Variants in FSHR observed in about 807,000 individuals in gnomAD.
FSHR encodes the protein follicle-stimulating hormone receptor.
In FSHR, 46 loss-of-function variants were observed where a neutral mutation model predicts 52.1. The observed-to-expected ratio is 0.88, with a 90% CI of 0.70 to 1.13. FSHR has a LOEUF of 1.13. Among genes scored for constraint, FSHR ranks in the 50% most tolerant of loss-of-function variants. FSHR has a pLI of 0.00. For missense variants in FSHR, 964 were observed against 834.6 expected (o/e 1.16, Z -1.91); for synonymous variants, 399 against 309.6 (o/e 1.29, Z -3.03).
chr2:48,975,752 G>A (rs558142853), intron 8 of FSHR, among the ~76,000 whole-genome samples: 51 of 152,272 alleles, frequency 3.3e-4, no homozygotes, highest in Middle Eastern at 3.4e-3. Flanking sequence ...TGTAGCAATT[G>A]TGAATGGGAG....
At chr2:49,101,609 A>G (rs770456340) in intron 1 of FSHR, among the ~76,000 whole-genome samples, 18 of 152,164 alleles carry the variant, frequency 1.2e-4, no homozygotes, top group Non-Finnish European at 2.5e-4. Context: ...ATATGAGGAG[A>G]GTAGTAGGGA....
At chr2:48,991,499 G>C (rs1006087078) in intron 4 of FSHR, among the ~76,000 whole-genome samples, 5 of 152,200 alleles carry the variant, frequency 3.3e-5, no homozygotes, top group African/African-American at 1.2e-4. Flanking sequence ...ATTGGTAAAA[G>C]GTGACCCTAT....
intron 1 of FSHR, among the ~76,000 whole-genome samples, chr2:49,123,043 T>G (rs1386538669): frequency 1.3e-5 from 2 of 152,140 alleles, no homozygotes; most frequent in Non-Finnish European, 2.9e-5. Flanking sequence ...CCTTCCTTCC[T>G]TTCCTCCACA....
chr2:49,116,769 C>T lies in FSHR; in HGVS notation c.152+37497G>A, dbSNP rs578120832. Among the ~76,000 whole-genome samples the T allele has an allele frequency of 5.6e-4, 85 of 152,140 alleles. 1 individual carries two copies. Among genetic ancestry groups the T allele is most frequent in the South Asian group, 4.1e-3 (20 of 4,822 alleles). On this transcript the variant is annotated intron_variant, in intron 1 of 9. Coordinates refer to ENST00000406846, the MANE Select transcript of FSHR (RefSeq NM_000145.4). ...GGGTACAATATGATAGTTTGATGCA[C>T]ATGTACATTGTAGAATGGTCAAATC...
At chr2:48,997,957 T>C (rs906433618) in intron 4 of FSHR, among the ~76,000 whole-genome samples, 1 of 152,128 alleles carries the variant, frequency 6.6e-6, no homozygotes, top group Non-Finnish European at 1.5e-5. Flanking sequence ...AATTGCCTTC[T>C]GCTTCCTTCT....
At chr2:49,079,553 G>A (rs1169776895) in intron 1 of FSHR, among the ~76,000 whole-genome samples, 2 of 151,992 alleles carry the variant, frequency 1.3e-5, no homozygotes, top group Non-Finnish European at 2.9e-5. Flanking sequence ...TAAAAAAATA[G>A]ACCAATGGAA....
chr2:49,046,469 T>C (rs1185960627), intron 2 of FSHR, among the ~76,000 whole-genome samples: 1 of 152,208 alleles, frequency 6.6e-6, no homozygotes, highest in Admixed American at 6.5e-5. Context: ...CCACTTTGGC[T>C]TCAACGTTCT....
intron 2 of FSHR, among the ~76,000 whole-genome samples, chr2:49,061,091 T>A (rs1387440262): frequency 3.3e-5 from 5 of 152,072 alleles, no homozygotes; most frequent in African/African-American, 1.2e-4. Flanking sequence ...AGGGGCATAA[T>A]CACCACTACA....
At chr2:49,140,729 T>G (rs1395099630) in intron 1 of FSHR, among the ~76,000 whole-genome samples, 1 of 151,064 alleles carries the variant, frequency 6.6e-6, no homozygotes, top group Non-Finnish European at 1.5e-5. Context: ...AAAAAAAAGG[T>G]ACAGTTCCCC....
intron 1 of FSHR, among the ~76,000 whole-genome samples, chr2:49,070,680 T>C (rs955053442): frequency 1.3e-5 from 2 of 152,172 alleles, no homozygotes; most frequent in South Asian, 2.1e-4. Context: ...TGCATGTTTT[T>C]CTAAAATTTT....
chr2:49,151,903 A>G (rs1558470095), intron 1 of FSHR, among the ~76,000 whole-genome samples: 2 of 152,048 alleles, frequency 1.3e-5, no homozygotes, highest in African/African-American at 4.8e-5. Context: ...CATTTTATCT[A>G]CTCTTCAGTG....
chr2:48,979,333 CAG>C (rs1291479842), intron 8 of FSHR, among the ~76,000 whole-genome samples: 3 of 152,044 alleles, frequency 2.0e-5, no homozygotes, highest in Non-Finnish European at 2.9e-5. Flanking sequence ...CCCAGCTACT[CAG>C]AAGGCTGAGG....
At chr2:49,038,854 C>G (rs192362667) in intron 2 of FSHR, among the ~76,000 whole-genome samples, 1 of 151,864 alleles carries the variant, frequency 6.6e-6, no homozygotes, top group East Asian at 1.9e-4. Context: ...TATAAAGTAA[C>G]TATAACATAA....
At chr2:49,017,895 C>T (rs757942641) in intron 3 of FSHR, among the ~76,000 whole-genome samples, 10 of 152,070 alleles carry the variant, frequency 6.6e-5, no homozygotes, top group Admixed American at 1.3e-4. Context: ...CAGTAAGAAT[C>T]GCCCAGGGTT....
At chr2:49,082,689 G>A (rs893786991) in intron 1 of FSHR, among the ~76,000 whole-genome samples, 7 of 152,172 alleles carry the variant, frequency 4.6e-5, no homozygotes, top group Non-Finnish European at 8.8e-5. Flanking sequence ...CAAGAACTAC[G>A]TGAAGAATGC....
intron 1 of FSHR, among the ~76,000 whole-genome samples, chr2:49,109,807 A>T (rs188221674): frequency 5.9e-5 from 9 of 152,204 alleles, no homozygotes; most frequent in Non-Finnish European, 1.0e-4. Context: ...TAGGAACGTG[A>T]AAATAAAATT....
At chr2:49,080,053 A>T (rs1365898861) in intron 1 of FSHR, among the ~76,000 whole-genome samples, 1 of 152,208 alleles carries the variant, frequency 6.6e-6, no homozygotes, top group Non-Finnish European at 1.5e-5. Flanking sequence ...TGAACAGGCA[A>T]TTTATAGAAG....
rs189447212 is a variant in FSHR, at chr2:48,967,401, T to C, written c.854+1297A>G. Among the ~76,000 whole-genome samples the C allele has an allele frequency of 3.3e-5, 5 of 152,266 alleles. No homozygotes were observed. In the East Asian group the frequency reaches 9.7e-4, roughly 29 times the overall value. ...GGTGTCAGCCACCTTGCCTGGCCAA[T>C]CTTAATGTTCTTTATTTCTCCTTTG... On this transcript the variant is annotated intron_variant, in intron 9 of 9. Coordinates refer to ENST00000406846, the MANE Select transcript of FSHR (RefSeq NM_000145.4).
chr2:49,016,274 T>A, intron 4 of FSHR, among the ~76,000 whole-genome samples: 1 of 152,208 alleles, frequency 6.6e-6, no homozygotes, highest in East Asian at 1.9e-4. Context: ...TGGCTTCAAT[T>A]CTGTATCCTT....
Sources: allele counts gnomAD v4.1 joint callset (sites outside exome capture counted in the v4.1 genomes callset), GRCh38; gene constraint gnomAD v4.1.1; transcripts MANE v1.5; gene names NCBI Gene and HGNC (gene_info 2026-07-23, HGNC 2026-07-21).